EBF1: variants seen among roughly 807,000 people sequenced by gnomAD.
EBF1 encodes EBF transcription factor 1.
Under a neutral mutation model 68.4 loss-of-function variants are expected in EBF1, and 10 were observed. The observed-to-expected ratio is 0.15, with a 90% CI of 0.09 to 0.25. The LOEUF (loss-of-function observed/expected upper bound fraction) is 0.25. Among genes scored for constraint, EBF1 ranks in the 10% least tolerant of loss-of-function variants. The pLI is 1.00. For missense variants in EBF1, 509 were observed against 794.4 expected, an observed-to-expected ratio of 0.64 and a Z score of 4.32; for synonymous variants, 298 against 299.8, an observed-to-expected ratio of 0.99 and a Z score of 0.06.
At chr5:158,990,795 A>G (rs78462586) in intron 6 of EBF1, among the ~76,000 whole-genome samples, 7,680 of 152,302 alleles carry the variant, frequency 0.05, 272 homozygotes, top group Non-Finnish European at 0.072. Context: ...ACAGAATTCT[A>G]CTATTCCTAT....
chr5:158,774,243 C>T (rs1247373362), intron 10 of EBF1, among the ~76,000 whole-genome samples: 2 of 152,074 alleles, frequency 1.3e-5, no homozygotes, highest in African/African-American at 2.4e-5. Context: ...GCTTACCATC[C>T]TTACAAGGGG....
At chr5:158,875,507 C>T (rs771446178) in intron 6 of EBF1, among the ~76,000 whole-genome samples, 1 of 152,186 alleles carries the variant, frequency 6.6e-6, no homozygotes, top group Non-Finnish European at 1.5e-5. Context: ...TCCCTGCTTT[C>T]ACTACATTCA....
At chr5:158,866,829 A>G (rs970001773) in intron 6 of EBF1, among the ~76,000 whole-genome samples, 5 of 64,772 alleles carry the variant, frequency 7.7e-5, no homozygotes, top group African/African-American at 1.2e-4. Flanking sequence ...ATATATATGT[A>G]TATGTATATA....
intron 6 of EBF1, among the ~76,000 whole-genome samples, chr5:158,927,286 G>C (rs545553756): frequency 6.6e-6 from 1 of 152,172 alleles, no homozygotes; most frequent in Non-Finnish European, 1.5e-5. Context: ...CATCGATGTT[G>C]TCATCATTTT....
In EBF1 at chr5:158,889,561, C is replaced by T. The variant is rs7732988; in HGVS notation, c.555-49451G>A. ...CTAAGTTATTTATGATGCTGAGCTACGAGAATGGGATTCTAGCCTCTGTTA... is the reference window on the plus strand; with the variant it reads ...CTAAGTTATTTATGATGCTGAGCTATGAGAATGGGATTCTAGCCTCTGTTA... On this transcript the variant is annotated intron_variant, in intron 6 of 15. Coordinates refer to ENST00000313708, the MANE Select transcript of EBF1 (RefSeq NM_024007.5). Among the ~76,000 whole-genome samples, 912 of 152,240 alleles carry T rather than the reference C, an allele frequency of 6.0e-3. 15 individuals carry two copies. The highest frequency in any genetic ancestry group is 0.021 in the African/African-American group (872 of 41,552).
chr5:158,699,249 T>A, intron 15 of EBF1, 107 bp from the exon 16 acceptor site: 1 of 1,153,966 alleles, frequency 8.7e-7, no homozygotes, highest in African/African-American at 1.6e-5. Context: ...AACTATGTTG[T>A]TCGACTATTA....
chr5:158,976,623 G>A (rs1174023015), intron 6 of EBF1, among the ~76,000 whole-genome samples: 1 of 152,144 alleles, frequency 6.6e-6, no homozygotes, highest in African/African-American at 2.4e-5. Context: ...TCTGCCCTCT[G>A]TTAAAATTCT....
chr5:158,860,801 C>A lies in EBF1; in HGVS notation c.555-20691G>T, dbSNP rs146201362. On this transcript the variant is annotated intron_variant, in intron 6 of 15. Transcript: ENST00000313708. ...CGTCTCTGTTGCATGTGTGTCTCGG[C>A]GCATAAATCCCTTTTGCCTCAGAAC... 3.6e-3 allele frequency among the ~76,000 whole-genome samples: 551 copies of A among 152,264 alleles called. 5 individuals are homozygous for A. Among genetic ancestry groups the A allele is most frequent in the African/African-American group, 0.013 (529 of 41,552 alleles).
At chr5:159,047,357 C>T (rs925149389) in intron 6 of EBF1, among the ~76,000 whole-genome samples, 2 of 152,168 alleles carry the variant, frequency 1.3e-5, no homozygotes, top group African/African-American at 4.8e-5. Context: ...TGATCAGCTT[C>T]GAATTCTCAA....
intron 10 of EBF1, among the ~76,000 whole-genome samples, chr5:158,755,226 G>T (rs1358385990): frequency 1.3e-5 from 2 of 151,722 alleles, no homozygotes; most frequent in African/African-American, 4.8e-5. Flanking sequence ...AGAAGATGGA[G>T]CTCAGTAATT....
rs375089874 is a variant in EBF1 at position 158,782,057 on chromosome 5, G to A, written c.910-4518C>T. Among the ~76,000 whole-genome samples, 208 of 152,212 alleles carry A rather than the reference G, an allele frequency of 1.4e-3. No individual in the cohort carries two copies. In the South Asian group the frequency reaches 0.015, roughly 11 times the overall value. On this transcript the variant is annotated intron_variant, in intron 9 of 15. Transcript: ENST00000313708. Reference sequence around the variant, plus strand: ...TGGAGTAAAGGGCATGTGGATACACGAAAACACCATTCCCTTGCCCAACAG... The same window carrying A: ...TGGAGTAAAGGGCATGTGGATACACAAAAACACCATTCCCTTGCCCAACAG...
chr5:158,920,222 AT>A (rs1808112367), intron 6 of EBF1, among the ~76,000 whole-genome samples: 2 of 152,038 alleles, frequency 1.3e-5, no homozygotes, highest in African/African-American at 4.8e-5. Context: ...TAACAATCCT[AT>A]CAGGTATCAT....
chr5:158,897,388 G>T (rs1196025033), intron 6 of EBF1, among the ~76,000 whole-genome samples: 2 of 152,102 alleles, frequency 1.3e-5, no homozygotes, highest in Non-Finnish European at 2.9e-5. Context: ...CACATAGAGG[G>T]AAACAACACA....
chr5:158,768,020 G>A (rs903538107), intron 10 of EBF1, among the ~76,000 whole-genome samples: 2 of 152,130 alleles, frequency 1.3e-5, no homozygotes, highest in East Asian at 3.9e-4. Flanking sequence ...AGGTTGTTTA[G>A]CTTGAAAACA....
chr5:158,756,745 A>C (rs550444602), intron 10 of EBF1, among the ~76,000 whole-genome samples: 3 of 152,042 alleles, frequency 2.0e-5, no homozygotes, highest in African/African-American at 7.2e-5. Context: ...CAAATGAATT[A>C]ACTAAATAAT....
chr5:158,925,197 C>T (rs913385280), intron 6 of EBF1, among the ~76,000 whole-genome samples: 2 of 152,174 alleles, frequency 1.3e-5, no homozygotes, highest in Non-Finnish European at 2.9e-5. Context: ...TAATCCCTAT[C>T]GGTGGCCATG....
intron 10 of EBF1, among the ~76,000 whole-genome samples, chr5:158,773,577 A>T (rs1159275670): frequency 6.6e-6 from 1 of 152,070 alleles, no homozygotes; most frequent in African/African-American, 2.4e-5. Context: ...AGGCTGCTCA[A>T]ACCTTGTCCT....
At chr5:159,086,989 C>T (rs565446030) in intron 4 of EBF1, among the ~76,000 whole-genome samples, 2 of 151,956 alleles carry the variant, frequency 1.3e-5, no homozygotes, top group Non-Finnish European at 2.9e-5. Context: ...TGCAATCACT[C>T]CTGAAAACAT....
intron 6 of EBF1, among the ~76,000 whole-genome samples, chr5:158,992,759 T>A (rs1232490251): frequency 6.6e-6 from 1 of 152,106 alleles, no homozygotes; most frequent in Non-Finnish European, 1.5e-5. Context: ...AAAATTTCTT[T>A]AAAAAGACAT....
Sources: gnomAD v4.1 joint callset for allele counts (sites outside exome capture counted in the v4.1 genomes callset) on GRCh38, gnomAD v4.1.1 for gene constraint, MANE v1.5 for transcripts, NCBI Gene and HGNC (gene_info 2026-07-23, HGNC 2026-07-21) for gene names.